Variants in SNCAIP observed in about 807,000 individuals in gnomAD.
SNCAIP encodes the protein synuclein alpha interacting protein.
SNCAIP carries 43 observed loss-of-function variants against 86.7 expected under a neutral mutation model. The ratio of observed to expected loss-of-function variants is 0.50; its 90% CI spans 0.39 to 0.64. The LOEUF is 0.64. Among genes scored for constraint, SNCAIP ranks in the 30% least tolerant of loss-of-function variants. The probability of loss-of-function intolerance (pLI) is 0.00; values close to 1 mark genes in which losing one functional copy is unlikely to be tolerated. For synonymous variants in SNCAIP, 417 were observed against 427.2 expected (o/e 0.98, Z 0.29); for missense variants, 981 against 1,103.1 (o/e 0.89, Z 1.57).
At chr5:122,462,483 C>A (rs1786608748) in intron 10 of SNCAIP, among the ~76,000 whole-genome samples, 1 of 152,182 alleles carries the variant, frequency 6.6e-6, no homozygotes, top group Non-Finnish European at 1.5e-5. Context: ...TTTTAGCCAA[C>A]TAGATTTTTC....
At chr5:122,319,322 C>G (rs1168109946) in intron 1 of SNCAIP, among the ~76,000 whole-genome samples, 1 of 152,118 alleles carries the variant, frequency 6.6e-6, no homozygotes, top group East Asian at 1.9e-4. Context: ...CTTATAAATT[C>G]CAGTCATCTT....
chr5:122,415,160 G>A (rs976438805), intron 3 of SNCAIP, among the ~76,000 whole-genome samples: 7 of 152,184 alleles, frequency 4.6e-5, no homozygotes, highest in African/African-American at 9.7e-5. Context: ...ATCCCAGGGC[G>A]AGCCACTTTC....
chr5:122,415,718 C>T lies in SNCAIP; in HGVS notation c.131-7150C>T, dbSNP rs114165282. ...TCGCCACCTTCAGTTAAAATGTGTGCGTGCTGCACGGCCAGAAGCCATACT... is the reference window on the plus strand; with the variant it reads ...TCGCCACCTTCAGTTAAAATGTGTGTGTGCTGCACGGCCAGAAGCCATACT... On this transcript the variant is annotated intron_variant, in intron 3 of 10. Transcript: ENST00000261368. 2.7e-3 allele frequency among the ~76,000 whole-genome samples: 417 copies of T among 152,264 alleles called. 2 individuals carry two copies. Among genetic ancestry groups the T allele is most frequent in the African/African-American group, 9.7e-3 (404 of 41,546 alleles).
chr5:122,337,523 TTTTGTTTG>T (rs141566797), intron 1 of SNCAIP, among the ~76,000 whole-genome samples: 2,423 of 151,406 alleles, frequency 0.016, 45 homozygotes, highest in Admixed American at 0.035. Context: ...TTTTTTAGGA[TTTTGTTTG>T]TTTGTTTGTT....
At chr5:122,424,753 A>G (rs1002204760) in intron 4 of SNCAIP, among the ~76,000 whole-genome samples, 6 of 152,134 alleles carry the variant, frequency 3.9e-5, no homozygotes, top group African/African-American at 1.4e-4. Flanking sequence ...AGCTCACCCA[A>G]CAATCTCTAT....
chr5:122,457,830 T>C (rs1317247045), intron 10 of SNCAIP, among the ~76,000 whole-genome samples: 2 of 152,218 alleles, frequency 1.3e-5, no homozygotes, highest in Non-Finnish European at 2.9e-5. Context: ...TGTGCCAGGT[T>C]TTGGGGTTTC....
At chr5:122,437,665 T>G (rs554678106) in intron 6 of SNCAIP, among the ~76,000 whole-genome samples, 39 of 152,362 alleles carry the variant, frequency 2.6e-4, no homozygotes, top group African/African-American at 8.4e-4. Context: ...AAATCTTGCA[T>G]ATTGAATTGG....
rs13187923 is a variant in SNCAIP, at chr5:122,329,085, T to C, written c.-47+16801T>C. On this transcript the variant is annotated intron_variant, in intron 1 of 10. Coordinates refer to ENST00000261368, the MANE Select transcript of SNCAIP (RefSeq NM_005460.4). ...GGCTCCTCAATGCCAGGCACCATGTTTCATTCATGTCTGCCACATTTTCAA... is the reference window on the plus strand; with the variant it reads ...GGCTCCTCAATGCCAGGCACCATGTCTCATTCATGTCTGCCACATTTTCAA... 3.3e-3 allele frequency among the ~76,000 whole-genome samples: 510 copies of C among 152,314 alleles called. 2 individuals are homozygous for C. Among genetic ancestry groups the C allele is most frequent in the Non-Finnish European group, 5.8e-3 (395 of 68,016 alleles).
At chr5:122,361,210 A>C (rs1235939366) in intron 1 of SNCAIP, among the ~76,000 whole-genome samples, 3 of 150,046 alleles carry the variant, frequency 2.0e-5, no homozygotes, top group African/African-American at 7.4e-5. Context: ...GGGCTTTATC[A>C]GCTTACCCAA....
In SNCAIP at chr5:122,367,504, A is replaced by G. The variant is rs796996567; in HGVS notation, c.-46-23585A>G. On this transcript the variant is annotated intron_variant, in intron 1 of 10. Coordinates refer to ENST00000261368, the MANE Select transcript of SNCAIP (RefSeq NM_005460.4). ...TCATTTGCAGGGTTGGTGAGACTTG[A>G]GGATGTATGTGGTCAGGTTCCAAAA... is the stretch of plus-strand genomic sequence containing the variant. Among the ~76,000 whole-genome samples, 109 of 152,222 alleles carry G rather than the reference A, an allele frequency of 7.2e-4. 1 individual carries two copies. Among genetic ancestry groups the G allele is most frequent in the African/African-American group, 2.5e-3 (104 of 41,554 alleles).
chr5:122,396,570 C>T (rs1372358809), intron 2 of SNCAIP, among the ~76,000 whole-genome samples: 1 of 152,130 alleles, frequency 6.6e-6, no homozygotes, highest in Non-Finnish European at 1.5e-5. Flanking sequence ...AGTTTTTATG[C>T]CAATCTAGTC....
intron 1 of SNCAIP, among the ~76,000 whole-genome samples, chr5:122,387,867 G>A (rs1371731121): frequency 6.6e-6 from 1 of 152,222 alleles, no homozygotes; most frequent in Admixed American, 6.5e-5. Context: ...GTAGGAAATT[G>A]TATTTTGTTG....
chr5:122,342,112 GTCAGAC>G (rs1156859727), intron 1 of SNCAIP, among the ~76,000 whole-genome samples: 4 of 152,014 alleles, frequency 2.6e-5, no homozygotes, highest in Non-Finnish European at 5.9e-5. Context: ...TCTCTCACTG[GTCAGAC>G]TATTGGTTGC....
chr5:122,456,891 GT>G (rs1272946091), intron 10 of SNCAIP, among the ~76,000 whole-genome samples: 4 of 152,208 alleles, frequency 2.6e-5, no homozygotes, highest in Non-Finnish European at 4.4e-5. Flanking sequence ...GTTCAGAAAA[GT>G]TTGTTAAAGC....
intron 1 of SNCAIP, chr5:122,371,585 A>G (rs190242137): frequency 6.6e-6 from 1 of 152,318 alleles, no homozygotes; most frequent in East Asian, 1.9e-4. Context: ...AGTGTGTTAT[A>G]TGTTGGGTGT....
chr5:122,377,064 T>G (rs1266829865), intron 1 of SNCAIP, among the ~76,000 whole-genome samples: 1 of 152,214 alleles, frequency 6.6e-6, no homozygotes, highest in Non-Finnish European at 1.5e-5. Context: ...AAGTCTTTAC[T>G]GAGACTGACA....
At chr5:122,320,453 A>T in intron 1 of SNCAIP, among the ~76,000 whole-genome samples, 1 of 152,200 alleles carries the variant, frequency 6.6e-6, no homozygotes, top group Admixed American at 6.5e-5. Context: ...TGGTATTTAT[A>T]GCTAGCTTAT....
At chr5:122,347,396 C>CTTTTTTTTT (rs72100282) in intron 1 of SNCAIP, among the ~76,000 whole-genome samples, 3 of 139,586 alleles carry the variant, frequency 2.1e-5, no homozygotes, top group Admixed American at 7.2e-5. Context: ...GATTTCTTTC[C>CTTTTTTTTT]TTTTTTTTTT....
At chr5:122,429,556 C>G (rs559188438) in intron 5 of SNCAIP, among the ~76,000 whole-genome samples, 1 of 151,538 alleles carries the variant, frequency 6.6e-6, no homozygotes, top group Non-Finnish European at 1.5e-5. Context: ...TTGCTTAAAC[C>G]GTCTTGCCTA....
Sources: gnomAD v4.1 joint callset for allele counts (sites outside exome capture counted in the v4.1 genomes callset) on GRCh38, gnomAD v4.1.1 for gene constraint, MANE v1.5 for transcripts, NCBI Gene and HGNC (gene_info 2026-07-23, HGNC 2026-07-21) for gene names.